Variants in DIP2A observed in about 807,000 individuals in gnomAD.
The protein encoded by DIP2A is disco-interacting protein 2 homolog A.
A neutral mutation model predicts 177.4 loss-of-function variants in DIP2A; 85 were observed. That is an observed-to-expected ratio of 0.48 (90% confidence interval 0.40 to 0.57). The LOEUF is 0.57. Ranked by LOEUF, DIP2A falls within the 20% of genes least tolerant of loss-of-function variation. DIP2A has a pLI of 0.00. For synonymous variants in DIP2A, 886 were observed against 881.8 expected, an observed-to-expected ratio of 1.00 and a Z score of -0.08; for missense variants, 1,791 against 2,100.2, an observed-to-expected ratio of 0.85 and a Z score of 2.88.
chr21:46,512,406 C>T (rs1302420427), intron 8 of DIP2A, among the ~76,000 whole-genome samples: 1 of 152,224 alleles, frequency 6.6e-6, no homozygotes, highest in East Asian at 1.9e-4. Context: ...TTCACTCCCA[C>T]AGGCAGTGAG....
intron 1 of DIP2A, among the ~76,000 whole-genome samples, chr21:46,465,760 T>C (rs1056135221): frequency 6.6e-6 from 1 of 152,030 alleles, no homozygotes; most frequent in East Asian, 1.9e-4. Context: ...AAAAAAAAAA[T>C]TGGCCTTTTG....
At chr21:46,463,683 TGTGTGTGTG>T (rs2054530174) in intron 1 of DIP2A, among the ~76,000 whole-genome samples, 1 of 119,150 alleles carries the variant, frequency 8.4e-6, no homozygotes, top group South Asian at 2.7e-4. Context: ...GATATATTTG[TGTGTGTGTG>T]TGTGTGTGTG....
intron 18 of DIP2A, among the ~76,000 whole-genome samples, chr21:46,542,960 T>G (rs1015004309): frequency 2.0e-5 from 3 of 152,230 alleles, no homozygotes; most frequent in Non-Finnish European, 4.4e-5. Context: ...CCCAGCCATC[T>G]CTAACCTGGA....
downstream of DIP2A, among the ~76,000 whole-genome samples, chr21:46,574,111 A>G (rs905648523): frequency 6.6e-6 from 1 of 152,194 alleles, no homozygotes; most frequent in Non-Finnish European, 1.5e-5. Context: ...TTAGGCCACA[A>G]ATTAAGTCTC....
chr21:46,541,718 C>T (rs779755272), intron 17 of DIP2A, 38 bp from the exon 18 acceptor site: 5 of 1,612,748 alleles, frequency 3.1e-6, no homozygotes, highest in South Asian at 1.1e-5. Context: ...AATTTCATCC[C>T]CCTCGTCAGT....
intron 9 of DIP2A, among the ~76,000 whole-genome samples, chr21:46,531,469 A>G (rs2059353513): frequency 6.6e-6 from 1 of 152,234 alleles, no homozygotes; most frequent in African/African-American, 2.4e-5. Flanking sequence ...ATACTTTATG[A>G]TATGTTGTGC....
chr21:46,470,175 C>T lies in DIP2A; in HGVS notation c.91+10953C>T, dbSNP rs189037098. Among the ~76,000 whole-genome samples the T allele has an allele frequency of 3.2e-3, 484 of 151,384 alleles. 4 individuals are homozygous for T. The highest frequency in any genetic ancestry group is 0.011 in the African/African-American group (462 of 41,232). ...CAACAGAGAGAAACCCCCATCTCTA[C>T]TAAAAATACAAAAAATGGGCTGGGC... On this transcript the variant is annotated intron_variant, in intron 1 of 37. Coordinates refer to ENST00000417564, the MANE Select transcript of DIP2A (RefSeq NM_015151.4).
intron 18 of DIP2A, among the ~76,000 whole-genome samples, chr21:46,543,989 C>T (rs2059929347): frequency 6.6e-6 from 1 of 152,136 alleles, no homozygotes. Context: ...TAGAAAAAAA[C>T]TCAAGAAGAG....
Position 46,542,493 on chromosome 21 carries a change from C to T in DIP2A, c.2176+598C>T, listed in dbSNP as rs919723356. Among the ~76,000 whole-genome samples the T allele has an allele frequency of 5.9e-5, 9 of 152,338 alleles. No homozygotes were observed. In the East Asian group the frequency reaches 1.3e-3, roughly 23 times the overall value. On this transcript the variant is annotated intron_variant, in intron 18 of 37. Coordinates refer to ENST00000417564, the MANE Select transcript of DIP2A (RefSeq NM_015151.4). ...TCATGGAAGCTTCCCAGAAATTCCT[C>T]GATGTCAGAAAGGCCTATGTGAACT...
chr21:46,545,753 C>T (rs906718450), intron 19 of DIP2A, 128 bp from the exon 20 acceptor site: 7 of 1,119,030 alleles, frequency 6.3e-6, no homozygotes, highest in Non-Finnish European at 9.1e-6. Context: ...CTATGCAGGG[C>T]CAGCCTCCTT....
rs896903203 is a variant in DIP2A at position 46,567,782 on chromosome 21, C to G, written c.*160C>G. The G allele has an allele frequency of 7.5e-6, 6 of 802,298 alleles. No individual in the cohort carries two copies. In the East Asian group the frequency reaches 1.8e-4, roughly 24 times the overall value. The allele number at this position is 802,298 out of a possible 1,614,324, so 49.7% of individuals were successfully genotyped here. ...CGCATCTCCTTTTAGAAAGCACTTC[C>G]TGAATTATTTAAAGAAATATTTTGA... is the stretch of plus-strand genomic sequence containing the variant. On this transcript the variant is annotated 3_prime_UTR_variant, in exon 38 of 38. Transcript: ENST00000417564.
Position 46,556,358 on chromosome 21 carries a change from TC to T in DIP2A, c.3498+268del. ...TACAGGAACTGGTGGCTTTGAAGAA[TC>T]TCTTACCTTGCTGGGAGTCAATAGC... is the stretch of plus-strand genomic sequence containing the variant. On this transcript the variant is annotated intron_variant, in intron 29 of 37. Transcript: ENST00000417564. The surrounding 1 kb of genome is among the most constrained non-coding windows in gnomAD (Gnocchi z 4.5). The T allele has an allele frequency of 2.1e-6, 3 of 1,423,752 alleles. No individual in the cohort carries two copies. The highest frequency in any genetic ancestry group is 2.1e-5 in the Admixed American group (1 of 47,014). The allele number at this position is 1,423,752 out of a possible 1,614,324, so 88.2% of individuals were successfully genotyped here.
rs752601143 is a variant in DIP2A at position 46,545,130 on chromosome 21, A to G, written c.2177-7A>G. ...TTGATAATTTTGAGTTTTTTTTCTC[A>G]TTTTAGCTAATGTATGTGTTGTGAA... On this transcript the variant is annotated splice_region_variant and splice_polypyrimidine_tract_variant and intron_variant, in intron 18 of 37. Transcript: ENST00000417564. 1.3e-6 allele frequency: 2 copies of G among 1,565,014 alleles called. No individual in the cohort carries two copies. The highest frequency in any genetic ancestry group is 1.7e-6 in the Non-Finnish European group (2 of 1,150,224).
intron 1 of DIP2A, among the ~76,000 whole-genome samples, chr21:46,459,870 C>T (rs1195421164): frequency 1.3e-5 from 2 of 152,088 alleles, no homozygotes; most frequent in East Asian, 3.9e-4. Context: ...GTCGTTTGGA[C>T]AGGTGTGAGA....
chr21:46,480,378 T>C (rs1187148854), intron 1 of DIP2A, among the ~76,000 whole-genome samples: 2 of 152,184 alleles, frequency 1.3e-5, no homozygotes, highest in Non-Finnish European at 2.9e-5. Context: ...CGTGATTCAG[T>C]TACCTCCCAC....
At chr21:46,523,012 G>C (rs890234082) in intron 8 of DIP2A, among the ~76,000 whole-genome samples, 1 of 151,888 alleles carries the variant, frequency 6.6e-6, no homozygotes, top group African/African-American at 2.4e-5. Flanking sequence ...CGCAACCTCT[G>C]TCTCCCAGGT....
chr21:46,526,696 GT>G, intron 8 of DIP2A, among the ~76,000 whole-genome samples: 1 of 152,128 alleles, frequency 6.6e-6, no homozygotes, highest in East Asian at 1.9e-4. Flanking sequence ...CGCCAGGCCT[GT>G]TTACTCTGTA....
intron 18 of DIP2A, among the ~76,000 whole-genome samples, chr21:46,543,200 GC>G (rs1471015317): frequency 6.6e-6 from 1 of 152,066 alleles, no homozygotes; most frequent in African/African-American, 2.4e-5. Flanking sequence ...CTTGCACGGT[GC>G]TTGAACCTGT....
At chr21:46,576,664 G>T in the DIP2A span, among the ~76,000 whole-genome samples, 2 of 152,098 alleles carry the variant, frequency 1.3e-5, no homozygotes, top group Admixed American at 6.5e-5. Flanking sequence ...TGGGTCAAAT[G>T]GTATTTCTGG....
Sources: gnomAD v4.1 joint callset for allele counts (sites outside exome capture counted in the v4.1 genomes callset) on GRCh38, gnomAD v4.1.1 for gene constraint, Gnocchi (gnomAD v3.1) non-coding constraint, MANE v1.5 for transcripts, NCBI Gene and HGNC (gene_info 2026-07-23, HGNC 2026-07-21) for gene names.